The following GRM8 variants were observed in gnomAD, a reference collection of about 807,000 sequenced individuals.
The protein encoded by GRM8 is glutamate metabotropic receptor 8.
Under a neutral mutation model 87.2 loss-of-function variants are expected in GRM8, and 47 were observed. That is an observed-to-expected ratio of 0.54 (90% CI 0.43 to 0.69). The LOEUF is 0.69. Among genes scored for constraint, GRM8 ranks in the 30% least tolerant of loss-of-function variants. The pLI is 0.00. For synonymous variants in GRM8, 396 were observed against 404.5 expected, an observed-to-expected ratio of 0.98 and a Z score of 0.25; for missense variants, 1,019 against 1,139.2, an observed-to-expected ratio of 0.89 and a Z score of 1.52.
intron 6 of GRM8, among the ~76,000 whole-genome samples, chr7:126,791,335 C>A (rs1165768918): frequency 6.6e-6 from 1 of 152,190 alleles, no homozygotes; most frequent in South Asian, 2.1e-4. Context: ...ACAACACAGA[C>A]CTTCTTTCAG....
intron 3 of GRM8, among the ~76,000 whole-genome samples, chr7:126,956,153 A>T (rs1213270264): frequency 6.6e-6 from 1 of 152,174 alleles, no homozygotes; most frequent in African/African-American, 2.4e-5. Flanking sequence ...TATATGTAAA[A>T]TATTTTAATC....
chr7:126,731,903 T>C (rs7804521), intron 7 of GRM8, among the ~76,000 whole-genome samples: 52,705 of 151,790 alleles, frequency 0.35, 9,642 homozygotes, highest in East Asian at 0.44. Flanking sequence ...TTTCCCCTTT[T>C]TAAATGAGAT....
In GRM8 at chr7:127,037,215, C is replaced by T. The variant is rs1817929333; in HGVS notation, c.727+69281G>A. Among the ~76,000 whole-genome samples the T allele has an allele frequency of 2.6e-5, 4 of 152,264 alleles. No individual in the cohort carries two copies. In the South Asian group the frequency reaches 8.3e-4, roughly 32 times the overall value. On this transcript the variant is annotated intron_variant, in intron 3 of 10. Transcript: ENST00000339582. ...ATCTTCTCACTAGGAAAAAAATATA[C>T]AACCCTATCAAAAATATTTCAGGAA...
chr7:126,808,333 A>C (rs1187476203), intron 6 of GRM8, among the ~76,000 whole-genome samples: 1 of 152,226 alleles, frequency 6.6e-6, no homozygotes, highest in Non-Finnish European at 1.5e-5. Context: ...GCAAGTATTA[A>C]AAACAGAAGA....
At chr7:126,852,672 T>G (rs569629321) in intron 6 of GRM8, among the ~76,000 whole-genome samples, 10 of 152,178 alleles carry the variant, frequency 6.6e-5, no homozygotes, top group African/African-American at 2.2e-4. Context: ...TTTAAGAGAA[T>G]TTTCAAGTGT....
intron 7 of GRM8, among the ~76,000 whole-genome samples, chr7:126,625,896 G>A (rs965271673): frequency 7.2e-5 from 11 of 151,932 alleles, no homozygotes; most frequent in African/African-American, 1.5e-4. Flanking sequence ...ACCAAAATAC[G>A]TTACAATACC....
chr7:126,823,959 T>C (rs923258105), intron 6 of GRM8, among the ~76,000 whole-genome samples: 4 of 152,030 alleles, frequency 2.6e-5, no homozygotes, highest in African/African-American at 9.7e-5. Context: ...ATAATGTGTT[T>C]GTGTGTGTGT....
At chr7:126,914,342 A>T (rs1463420330) in intron 3 of GRM8, among the ~76,000 whole-genome samples, 1 of 152,220 alleles carries the variant, frequency 6.6e-6, no homozygotes, top group African/African-American at 2.4e-5. Context: ...TAGTTCAGCC[A>T]CTGTGGAAAG....
rs532953198 is a variant in GRM8, at chr7:127,145,407, G to A, written c.511-38695C>T. Among the ~76,000 whole-genome samples, 5 of 152,176 alleles carry A rather than the reference G, an allele frequency of 3.3e-5. No homozygotes were observed. In the South Asian group the frequency reaches 8.3e-4, roughly 25 times the overall value. ...GTTTCAAGGAACTTCTATATGTCTTGTGAAAAAGCACAGTATACTAAAGTA... is the reference window on the plus strand; with the variant it reads ...GTTTCAAGGAACTTCTATATGTCTTATGAAAAAGCACAGTATACTAAAGTA... On this transcript the variant is annotated intron_variant, in intron 2 of 10. Transcript: ENST00000339582.
intron 6 of GRM8, among the ~76,000 whole-genome samples, chr7:126,839,800 G>T (rs1234766036): frequency 6.6e-6 from 1 of 152,152 alleles, no homozygotes; most frequent in Non-Finnish European, 1.5e-5. Context: ...AGTGGTGCTT[G>T]ATATCAGACA....
chr7:127,113,646 G>A (rs13239559), intron 2 of GRM8, among the ~76,000 whole-genome samples: 37,296 of 151,910 alleles, frequency 0.25, 5,445 homozygotes, highest in Non-Finnish European at 0.34. Flanking sequence ...CTTCCCTTAG[G>A]GGGTAGTGCT....
At chr7:127,236,983 C>G (rs1304140599) in intron 2 of GRM8, among the ~76,000 whole-genome samples, 1 of 152,126 alleles carries the variant, frequency 6.6e-6, no homozygotes, top group Non-Finnish European at 1.5e-5. Context: ...AGAGGAAGCA[C>G]AAGCTGCTTG....
chr7:127,220,303 C>A (rs536685800), intron 2 of GRM8, among the ~76,000 whole-genome samples: 3 of 152,206 alleles, frequency 2.0e-5, no homozygotes, highest in Admixed American at 2.0e-4. Flanking sequence ...AGGGCAAAAG[C>A]TGCAGTAAAA....
intron 7 of GRM8, among the ~76,000 whole-genome samples, chr7:126,663,477 C>T (rs907685661): frequency 1.5e-4 from 23 of 152,242 alleles, no homozygotes; most frequent in African/African-American, 5.3e-4. Flanking sequence ...AAGATGCAAG[C>T]CTGGTTCAAC....
At chr7:126,805,734 C>T (rs1179889815) in intron 6 of GRM8, among the ~76,000 whole-genome samples, 1 of 152,174 alleles carries the variant, frequency 6.6e-6, no homozygotes, top group East Asian at 1.9e-4. Flanking sequence ...TGTTTGACAT[C>T]CTTGGCAGGC....
intron 3 of GRM8, among the ~76,000 whole-genome samples, chr7:127,007,772 A>C (rs1814460913): frequency 6.6e-6 from 1 of 152,060 alleles, no homozygotes. Flanking sequence ...GCTGTTACTT[A>C]AGAACTCCAA....
intron 3 of GRM8, among the ~76,000 whole-genome samples, chr7:127,043,585 A>G (rs1818635958): frequency 6.6e-6 from 1 of 152,118 alleles, no homozygotes; most frequent in Non-Finnish European, 1.5e-5. Context: ...TGGATTCAGG[A>G]AGGGGAACAT....
intron 3 of GRM8, among the ~76,000 whole-genome samples, chr7:127,020,433 C>T (rs1563420128): frequency 6.6e-6 from 1 of 152,030 alleles, no homozygotes; most frequent in Non-Finnish European, 1.5e-5. Context: ...AGAAAACAAA[C>T]ATCTCCCCTA....
At chr7:126,580,743 A>G (rs542204896) in intron 8 of GRM8, among the ~76,000 whole-genome samples, 2 of 152,266 alleles carry the variant, frequency 1.3e-5, no homozygotes, top group South Asian at 2.1e-4. Context: ...TATAGTAAAG[A>G]TCAAACGAGT....
Sources: allele counts gnomAD v4.1 joint callset (sites outside exome capture counted in the v4.1 genomes callset), GRCh38; gene constraint gnomAD v4.1.1; transcripts MANE v1.5; gene names NCBI Gene and HGNC (gene_info 2026-07-23, HGNC 2026-07-21).